Variants in ITPR1 observed in about 807,000 individuals in gnomAD.
ITPR1 encodes the protein inositol 1,4,5-trisphosphate-gated calcium channel ITPR1.
In ITPR1, 96 loss-of-function variants were observed where a neutral mutation model predicts 318.4. That is an observed-to-expected ratio of 0.30 (90% CI 0.26 to 0.36). The LOEUF (loss-of-function observed/expected upper bound fraction) is 0.36. Among genes scored for constraint, ITPR1 ranks in the 10% least tolerant of loss-of-function variants. The pLI is 1.00. For synonymous variants in ITPR1, 1,312 were observed against 1,289.9 expected (o/e 1.02, Z -0.37); for missense variants, 2,440 against 3,460.2 (o/e 0.71, Z 7.40).
chr3:4,814,341 C>T, intron 57 of ITPR1, 82 bp from the exon 58 acceptor site: 1 of 1,370,960 alleles, frequency 7.3e-7, no homozygotes, highest in Non-Finnish European at 1.0e-6. Flanking sequence ...GGTGAGATGG[C>T]ATTCAGGAAA....
At chr3:4,553,537 C>A (rs987992802) in intron 4 of ITPR1, among the ~76,000 whole-genome samples, 25 of 151,998 alleles carry the variant, frequency 1.6e-4, no homozygotes, top group South Asian at 4.2e-4. Context: ...CTTAAGCAGT[C>A]CTCCCACCTC....
At chr3:4,567,588 G>A (rs953684722) in intron 4 of ITPR1, among the ~76,000 whole-genome samples, 1 of 146,636 alleles carries the variant, frequency 6.8e-6, no homozygotes, top group Non-Finnish European at 1.5e-5. Flanking sequence ...TATAGGGGAG[G>A]TGACGCTTGA....
intron 35 of ITPR1, among the ~76,000 whole-genome samples, chr3:4,700,281 A>T (rs1000858471): frequency 2.7e-4 from 41 of 152,340 alleles, no homozygotes; most frequent in South Asian, 8.3e-4. Context: ...AGGTGCTTTA[A>T]TAAATGGTAG....
At chr3:4,507,960 G>A (rs1469735372) in intron 2 of ITPR1, among the ~76,000 whole-genome samples, 2 of 152,194 alleles carry the variant, frequency 1.3e-5, no homozygotes, top group East Asian at 1.9e-4. Flanking sequence ...GGAGTGTTTT[G>A]CGTGTGTCTT....
chr3:4,562,729 TAA>T (rs34217045), intron 4 of ITPR1, among the ~76,000 whole-genome samples: 232 of 146,750 alleles, frequency 1.6e-3, no homozygotes, highest in Middle Eastern at 3.5e-3. Flanking sequence ...ACGCATTCAT[TAA>T]AAAAAAAAAA....
intron 16 of ITPR1, among the ~76,000 whole-genome samples, chr3:4,663,990 CA>C (rs1178584212): frequency 1.3e-5 from 2 of 152,190 alleles, no homozygotes; most frequent in African/African-American, 4.8e-5. Context: ...TAGTTCAGTT[CA>C]ATTGATTTTT....
At chr3:4,677,481 A>G (rs768794993) in intron 24 of ITPR1, among the ~76,000 whole-genome samples, 31 of 152,188 alleles carry the variant, frequency 2.0e-4, no homozygotes, top group Non-Finnish European at 3.7e-4. Context: ...GAATGAAGTG[A>G]GGAGATAGCC....
intron 10 of ITPR1, among the ~76,000 whole-genome samples, chr3:4,647,979 C>G (rs1411620935): frequency 6.6e-6 from 1 of 152,064 alleles, no homozygotes; most frequent in Admixed American, 6.6e-5. Context: ...TGGAGAAACC[C>G]TGTCTCTACT....
intron 47 of ITPR1, 80 bp downstream of exon 47, chr3:4,775,522 C>A (rs192729262): frequency 2.1e-5 from 23 of 1,103,340 alleles, no homozygotes; most frequent in Non-Finnish European, 2.8e-5. Context: ...TCAGAAATCA[C>A]GAAGCCTGTG....
At chr3:4,738,823 T>A (rs2043480598) in intron 44 of ITPR1, among the ~76,000 whole-genome samples, 1 of 152,170 alleles carries the variant, frequency 6.6e-6, no homozygotes, top group Non-Finnish European at 1.5e-5. Flanking sequence ...TTCAGCCACG[T>A]GTGGAGCAGG....
intron 4 of ITPR1, among the ~76,000 whole-genome samples, chr3:4,612,659 G>A (rs1382761656): frequency 6.6e-6 from 1 of 152,084 alleles, no homozygotes; most frequent in South Asian, 2.1e-4. Context: ...GGCCAAGGCA[G>A]GCGGATCACC....
chr3:4,592,870 A>T (rs2090500445), intron 4 of ITPR1, among the ~76,000 whole-genome samples: 1 of 152,160 alleles, frequency 6.6e-6, no homozygotes, highest in African/African-American at 2.4e-5. Flanking sequence ...AGTGAATTCC[A>T]TCCAAATACA....
intron 54 of ITPR1, among the ~76,000 whole-genome samples, chr3:4,803,514 G>A (rs1410181264): frequency 2.6e-5 from 4 of 152,202 alleles, no homozygotes; most frequent in Admixed American, 6.5e-5. Flanking sequence ...GGAAAGACAC[G>A]CTGTTAACGT....
chr3:4,643,075 G>A (rs2093374604), intron 7 of ITPR1, among the ~76,000 whole-genome samples: 1 of 152,194 alleles, frequency 6.6e-6, no homozygotes, highest in Non-Finnish European at 1.5e-5. Context: ...TTGTGTATTT[G>A]TGTGTATAAG....
At chr3:4,787,559 G>C (rs939521141) in intron 51 of ITPR1, among the ~76,000 whole-genome samples, 11 of 147,510 alleles carry the variant, frequency 7.5e-5, no homozygotes, top group Non-Finnish European at 1.3e-4. Flanking sequence ...AAAGCCAGGC[G>C]TGAAGGTGCG....
chr3:4,752,113 C>T (rs1035491433), intron 44 of ITPR1, among the ~76,000 whole-genome samples: 1 of 152,158 alleles, frequency 6.6e-6, no homozygotes, highest in Non-Finnish European at 1.5e-5. Flanking sequence ...CTTCAAGCCT[C>T]GTTTTTCCCC....
intron 44 of ITPR1, among the ~76,000 whole-genome samples, chr3:4,745,263 A>G (rs558682919): frequency 2.9e-4 from 43 of 150,800 alleles, no homozygotes; most frequent in African/African-American, 1.0e-3. Context: ...CCCTAGAGTC[A>G]TCTCTGCTCT....
At chr3:4,556,009 A>C (rs1417398503) in intron 4 of ITPR1, among the ~76,000 whole-genome samples, 1 of 152,188 alleles carries the variant, frequency 6.6e-6, no homozygotes, top group African/African-American at 2.4e-5. Context: ...TAGCAGTGAG[A>C]TCCTTCACCT....
intron 44 of ITPR1, among the ~76,000 whole-genome samples, chr3:4,753,007 G>A (rs1040329277): frequency 1.3e-5 from 2 of 152,114 alleles, no homozygotes; most frequent in Non-Finnish European, 2.9e-5. Flanking sequence ...GCGCCACGAA[G>A]CGTGGCCAGG....
Sources: allele counts gnomAD v4.1 joint callset (sites outside exome capture counted in the v4.1 genomes callset), GRCh38; gene constraint gnomAD v4.1.1; transcripts MANE v1.5; gene names NCBI Gene and HGNC (gene_info 2026-07-23, HGNC 2026-07-21).